Variants in ABLIM1 observed in about 807,000 individuals in gnomAD.
The protein encoded by ABLIM1 is actin-binding LIM protein 1.
Under a neutral mutation model 107.0 loss-of-function variants are expected in ABLIM1, and 40 were observed. That is an observed-to-expected ratio of 0.37 (90% CI 0.29 to 0.49). ABLIM1 has a LOEUF of 0.49. Ranked by LOEUF, ABLIM1 falls within the 20% of genes least tolerant of loss-of-function variation. The pLI is 0.97. For synonymous variants in ABLIM1, 357 were observed against 357.3 expected, an observed-to-expected ratio of 1.00 and a Z score of 0.01; for missense variants, 857 against 1,008.5, an observed-to-expected ratio of 0.85 and a Z score of 2.04.
chr10:114,592,669 G>A (rs1333240712), intron 2 of ABLIM1, among the ~76,000 whole-genome samples: 1 of 152,070 alleles, frequency 6.6e-6, no homozygotes, highest in Non-Finnish European at 1.5e-5. Flanking sequence ...TTGGACCAGG[G>A]TGCTTATCTT....
upstream of ABLIM1, among the ~76,000 whole-genome samples, chr10:114,659,303 C>T (rs77531931): frequency 0.061 from 9,255 of 150,708 alleles, 322 homozygotes; most frequent in Middle Eastern, 0.086. Flanking sequence ...GAGGCCACTT[C>T]GAGACCAGCC....
At chr10:114,668,092 A>C (rs1018873599) in intron 1 of ABLIM1, among the ~76,000 whole-genome samples, 1 of 151,334 alleles carries the variant, frequency 6.6e-6, no homozygotes, top group Non-Finnish European at 1.5e-5. Context: ...AGGTTGCATG[A>C]AATTGAAAGG....
rs544292964 is a variant in ABLIM1, at chr10:114,691,104, G to A, written c.-213+76957C>T. On this transcript the variant is annotated intron_variant, in intron 1 of 15. Transcript: ENST00000651092. ...AATTATGAATCCCTCTTTAAAAGAT[G>A]AGAAAACTAAGCCTAAAGACAGTAA... Among the ~76,000 whole-genome samples, 8 of 152,248 alleles carry A rather than the reference G, an allele frequency of 5.3e-5. No individual in the cohort carries two copies. In the East Asian group the frequency reaches 9.6e-4, roughly 18 times the overall value.
At position 114,737,418 on chromosome 10, in the gene ABLIM1, G is replaced by A. The variant is rs183366003; in HGVS notation, c.-213+30643C>T. Among the ~76,000 whole-genome samples the A allele has an allele frequency of 5.3e-5, 8 of 152,222 alleles. No homozygotes were observed. In the East Asian group the frequency reaches 1.5e-3, roughly 29 times the overall value. ...CTTTTCCGACCTTGACCTTTGAGACGACATCACCCTCAGTGCTTCCTGACT... is the reference window on the plus strand; with the variant it reads ...CTTTTCCGACCTTGACCTTTGAGACAACATCACCCTCAGTGCTTCCTGACT... On this transcript the variant is annotated intron_variant, in intron 1 of 15. Coordinates refer to the ABLIM1 transcript ENST00000651092.
chr10:114,743,966 T>C (rs956846216), intron 1 of ABLIM1, among the ~76,000 whole-genome samples: 8 of 152,118 alleles, frequency 5.3e-5, no homozygotes, highest in African/African-American at 1.4e-4. Context: ...AGACAAGAAG[T>C]TGGGGAGAAG....
intron 1 of ABLIM1, among the ~76,000 whole-genome samples, chr10:114,710,538 C>A (rs1180520296): frequency 6.6e-6 from 1 of 152,206 alleles, no homozygotes; most frequent in Non-Finnish European, 1.5e-5. Context: ...GTTCCTCCCA[C>A]AACATGTGCA....
chr10:114,443,609 G>C (rs557997583), intron 17 of ABLIM1, among the ~76,000 whole-genome samples: 1 of 149,072 alleles, frequency 6.7e-6, no homozygotes, highest in African/African-American at 2.5e-5. Context: ...CACCGCACCC[G>C]GCCTCTATTG....
At chr10:114,528,654 A>G (rs760260647) in intron 6 of ABLIM1, among the ~76,000 whole-genome samples, 9 of 152,240 alleles carry the variant, frequency 5.9e-5, no homozygotes, top group African/African-American at 9.6e-5. Context: ...GCATGTTCAC[A>G]TGCAGATTCC....
In ABLIM1 at chr10:114,463,133, C is replaced by T. The variant is rs542408323; in HGVS notation, c.1441+2565G>A. The T allele has an allele frequency of 2.3e-5, 30 of 1,314,602 alleles. No individual in the cohort carries two copies. In the East Asian group the frequency reaches 6.5e-4, roughly 29 times the overall value. 81.4% of individuals were successfully genotyped at this position (1,314,602 alleles called of 1,614,324 possible). On this transcript the variant is annotated intron_variant, in intron 12 of 22. Transcript: ENST00000533213. ...GGCTGAGGCTGCTGGTGCGCAGGTACGACAACCTCTGCACACCAGGAGACA... is the reference window on the plus strand; with the variant it reads ...GGCTGAGGCTGCTGGTGCGCAGGTATGACAACCTCTGCACACCAGGAGACA...
chr10:114,742,829 T>G (rs2082313079), intron 1 of ABLIM1, among the ~76,000 whole-genome samples: 1 of 152,152 alleles, frequency 6.6e-6, no homozygotes, highest in South Asian at 2.1e-4. Flanking sequence ...CTCAGGAGGC[T>G]GAGGCACGAG....
chr10:114,617,256 C>CTTTTTTTTT, intron 1 of ABLIM1, among the ~76,000 whole-genome samples: 1 of 120,466 alleles, frequency 8.3e-6, no homozygotes, highest in Non-Finnish European at 1.7e-5. Flanking sequence ...TCACTACCTA[C>CTTTTTTTTT]TTTTTTTTTT....
chr10:114,469,008 C>T (rs1042358669), intron 10 of ABLIM1, among the ~76,000 whole-genome samples: 12 of 141,184 alleles, frequency 8.5e-5, no homozygotes, highest in South Asian at 4.5e-4. Context: ...GCCGAGATCA[C>T]GCCACTGCAC....
chr10:114,623,243 C>T (rs2077578770), intron 1 of ABLIM1, among the ~76,000 whole-genome samples: 1 of 152,232 alleles, frequency 6.6e-6, no homozygotes, highest in Non-Finnish European at 1.5e-5. Flanking sequence ...ATATGCACAC[C>T]TGTGCCTTCA....
intron 1 of ABLIM1, among the ~76,000 whole-genome samples, chr10:114,712,760 G>A (rs2081580212): frequency 6.6e-6 from 1 of 152,194 alleles, no homozygotes; most frequent in South Asian, 2.1e-4. Context: ...AATATTTGGA[G>A]TTTCTTCAAG....
chr10:114,550,933 T>C (rs2067985461), intron 4 of ABLIM1, among the ~76,000 whole-genome samples: 1 of 152,244 alleles, frequency 6.6e-6, no homozygotes, highest in African/African-American at 2.4e-5. Flanking sequence ...CTTTCAGAGA[T>C]GGCTTTTCAT....
At chr10:114,451,894 A>G (rs2061973336) in intron 13 of ABLIM1, among the ~76,000 whole-genome samples, 3 of 152,258 alleles carry the variant, frequency 2.0e-5, no homozygotes, top group Admixed American at 6.5e-5. Context: ...ATCTTAGGAT[A>G]TATAAAGATG....
chr10:114,700,932 A>C (rs1383582867), intron 1 of ABLIM1, among the ~76,000 whole-genome samples: 1 of 152,178 alleles, frequency 6.6e-6, no homozygotes, highest in Non-Finnish European at 1.5e-5. Flanking sequence ...AAATTGATAC[A>C]TTAAACTTCA....
At chr10:114,481,944 G>A (rs970801159) in intron 8 of ABLIM1, among the ~76,000 whole-genome samples, 9 of 152,106 alleles carry the variant, frequency 5.9e-5, no homozygotes, top group Non-Finnish European at 2.9e-5. Context: ...GTATTTGTTC[G>A]GTATATTATA....
intron 1 of ABLIM1, among the ~76,000 whole-genome samples, chr10:114,761,965 T>C (rs1484420313): frequency 1.3e-5 from 2 of 150,816 alleles, no homozygotes; most frequent in African/African-American, 2.4e-5. Context: ...TTACCATAAT[T>C]CTCACTCTAT....
Sources: allele counts gnomAD v4.1 joint callset (sites outside exome capture counted in the v4.1 genomes callset), GRCh38; gene constraint gnomAD v4.1.1; transcripts MANE v1.5; gene names NCBI Gene and HGNC (gene_info 2026-07-23, HGNC 2026-07-21).